ZC3H4: variants seen among roughly 807,000 people sequenced by gnomAD.
ZC3H4 encodes zinc finger CCCH-type containing 4.
Under a neutral mutation model 108.3 loss-of-function variants are expected in ZC3H4, and 13 were observed. The observed-to-expected ratio is 0.12, with a 90% CI of 0.08 to 0.19. The LOEUF (loss-of-function observed/expected upper bound fraction) is 0.19. Ranked by LOEUF, ZC3H4 falls within the 10% of genes least tolerant of loss-of-function variation. The pLI is 1.00. For missense variants in ZC3H4, 1,734 were observed against 1,838.8 expected (o/e 0.94, Z 1.04); for synonymous variants, 917 against 749.6 (o/e 1.22, Z -3.65).
intron 5 of ZC3H4, among the ~76,000 whole-genome samples, chr19:47,089,300 G>T (rs1212256501): frequency 6.6e-6 from 1 of 151,764 alleles, no homozygotes. Flanking sequence ...CCCCTGCACT[G>T]GAAGATTCCA....
At chr19:47,112,690 A>G (rs1048574904) in intron 1 of ZC3H4, 101 bp from the exon 2 acceptor site, 7 of 679,048 alleles carry the variant, frequency 1.0e-5, no homozygotes, top group Admixed American at 8.7e-5. Flanking sequence ...AATGGGGTAT[A>G]TATTTTTTCG....
intron 2 of ZC3H4, 122 bp from the exon 3 acceptor site, chr19:47,094,730 G>A: frequency 1.1e-6 from 1 of 911,628 alleles, no homozygotes; most frequent in Admixed American, 2.3e-5. Flanking sequence ...GTGAGACCCT[G>A]GGAGGACATG....
In ZC3H4 at chr19:47,067,289, G is replaced by A. The variant is rs373265090; in HGVS notation, c.2979C>T (p.Asp993=). The stretch of plus-strand genomic sequence containing the variant: ...GGGCCGCGGGCACGGGGGGCACTGC[G>A]TCCTGCTTGGGGATGGGTAGGGGGA... ...DLIPLPIPKQ[D]AVPPVPAALQ... The change falls in exon 15 of 15, where the codon GAC becomes GAT. Residue 993 remains aspartate, a synonymous_variant. Transcript: ENST00000253048. The surrounding 1 kb of genome is among the most constrained non-coding windows in gnomAD (Gnocchi z 6.4). The A allele has an allele frequency of 8.0e-5, 127 of 1,590,208 alleles. No individual in the cohort carries two copies. The highest frequency in any genetic ancestry group is 1.7e-4 in the Middle Eastern group (1 of 5,968).
intron 2 of ZC3H4, among the ~76,000 whole-genome samples, chr19:47,111,225 AG>A (rs2058034689): frequency 6.6e-6 from 1 of 152,100 alleles, no homozygotes; most frequent in East Asian, 1.9e-4. Flanking sequence ...TCGCCCCACC[AG>A]GAAACAGTGG....
intron 13 of ZC3H4, among the ~76,000 whole-genome samples, chr19:47,069,638 GAC>G (rs1388235090): frequency 6.6e-6 from 1 of 152,222 alleles, no homozygotes; most frequent in Non-Finnish European, 1.5e-5. Flanking sequence ...GCTTTGAAAA[GAC>G]ACACAGAAAC....
At chr19:47,111,937 G>T (rs1198568610) in intron 2 of ZC3H4, among the ~76,000 whole-genome samples, 1 of 152,068 alleles carries the variant, frequency 6.6e-6, no homozygotes, top group Non-Finnish European at 1.5e-5. Flanking sequence ...CCCTAAGAGC[G>T]GGGCTGTTGT....
chr19:47,074,325 A>G (rs780315664), intron 11 of ZC3H4, among the ~76,000 whole-genome samples: 9 of 151,848 alleles, frequency 5.9e-5, no homozygotes, highest in Non-Finnish European at 1.0e-4. Context: ...TCCTGGCTCA[A>G]CCTCCCCATC....
At chr19:47,093,861 C>A in intron 4 of ZC3H4, 109 bp downstream of exon 4, 2 of 883,340 alleles carry the variant, frequency 2.3e-6, no homozygotes, top group Non-Finnish European at 1.8e-6. Context: ...CCTGATGGCC[C>A]AGGACTGAAA....
intron 13 of ZC3H4, 68 bp from the exon 14 acceptor site, chr19:47,069,411 C>A (rs1286033183): frequency 6.5e-7 from 1 of 1,543,148 alleles, no homozygotes; most frequent in Non-Finnish European, 8.7e-7. Flanking sequence ...AGCCCCCCTG[C>A]CCCTCACTGC....
intron 5 of ZC3H4, among the ~76,000 whole-genome samples, chr19:47,089,141 G>C (rs1280587187): frequency 6.7e-6 from 1 of 149,938 alleles, no homozygotes; most frequent in African/African-American, 2.5e-5. Context: ...GGAAAGCAGA[G>C]GTTGCAGTGA....
At chr19:47,068,074 C>A (rs937910371) in intron 14 of ZC3H4, among the ~76,000 whole-genome samples, 12 of 152,204 alleles carry the variant, frequency 7.9e-5, no homozygotes, top group Admixed American at 3.3e-4. Context: ...TGCTCCCCAG[C>A]TCTCCTCAGT....
intron 11 of ZC3H4, among the ~76,000 whole-genome samples, chr19:47,078,398 C>T (rs1015291465): frequency 2.0e-5 from 3 of 151,658 alleles, no homozygotes; most frequent in East Asian, 1.9e-4. Context: ...GCAGGAGAAT[C>T]GCTTGAACCC....
At chr19:47,070,608 T>A (rs901815925) in intron 13 of ZC3H4, among the ~76,000 whole-genome samples, 4 of 152,168 alleles carry the variant, frequency 2.6e-5, no homozygotes, top group Non-Finnish European at 4.4e-5. Flanking sequence ...TGTGGCAGCC[T>A]GTTTTTCTCG....
chr19:47,095,014 C>T (rs897629394), intron 2 of ZC3H4, among the ~76,000 whole-genome samples: 4 of 152,258 alleles, frequency 2.6e-5, no homozygotes, highest in African/African-American at 4.8e-5. Context: ...GAAACCCACA[C>T]AGCTCTGCTG....
chr19:47,071,982 T>C lies in ZC3H4; in HGVS notation c.1942A>G (p.Met648Val), dbSNP rs765224348. The C allele has an allele frequency of 1.9e-6, 3 of 1,608,228 alleles. No individual in the cohort carries two copies. Among genetic ancestry groups the C allele is most frequent in the South Asian group, 1.1e-5 (1 of 90,568 alleles). Reference protein sequence around the residue: ...PDMHPDMHADMHADMPMGPGM... With the variant: ...PDMHPDMHADVHADMPMGPGM... ...GGGCCCATCGGCATGTCTGCGTGCA[T>C]GTCTGCGTGCATGTCAGGGTGCATG... is the stretch of plus-strand genomic sequence containing the variant. Residue 648 changes from methionine to valine, a missense_variant, in exon 13 of 15, where the codon ATG becomes GTG. By Grantham distance (21) the Met-to-Val change is conservative. Coordinates refer to ENST00000253048, the MANE Select transcript of ZC3H4 (RefSeq NM_015168.2).
rs1568523681 is a variant in ZC3H4 at position 47,066,653 on chromosome 19, A to G, written c.3615T>C (p.Gly1205=). ...ALEQPETGKA[G]ADGGTPTDRY... Reference sequence around the variant, plus strand: ...TGTCCGTGGGGGTGCCCCCATCAGCACCGGCCTTCCCTGTCTCTGGCTGTT... The same window carrying G: ...TGTCCGTGGGGGTGCCCCCATCAGCGCCGGCCTTCCCTGTCTCTGGCTGTT... The change falls in exon 15 of 15, where the codon GGT becomes GGC. Residue 1205 remains glycine, a synonymous_variant. Transcript: ENST00000253048. 2.5e-6 allele frequency: 4 copies of G among 1,611,770 alleles called. No homozygotes were observed. The highest frequency in any genetic ancestry group is 3.4e-6 in the Non-Finnish European group (4 of 1,179,622).
At chr19:47,089,855 C>T (rs2122946941) in intron 5 of ZC3H4, 112 bp downstream of exon 5, 8 of 1,098,490 alleles carry the variant, frequency 7.3e-6, no homozygotes, top group East Asian at 2.5e-5. Flanking sequence ...CTTCTTTGTA[C>T]ACTTATCCCA....
intron 8 of ZC3H4, 109 bp from the exon 9 acceptor site, chr19:47,084,564 T>C: frequency 9.5e-7 from 1 of 1,053,092 alleles, no homozygotes; most frequent in Non-Finnish European, 1.4e-6. Context: ...CCTTCAGATC[T>C]CACAAGAGCA....
chr19:47,110,858 GAACAA>G (rs1315082035), intron 2 of ZC3H4: 1 of 960,686 alleles, frequency 1.0e-6, no homozygotes, highest in Admixed American at 6.2e-5. Flanking sequence ...CATTTAATTA[GAACAA>G]AACAGAAAAA....
Sources: gnomAD v4.1 joint callset for allele counts (sites outside exome capture counted in the v4.1 genomes callset) on GRCh38, gnomAD v4.1.1 for gene constraint, Gnocchi (gnomAD v3.1) non-coding constraint, MANE v1.5 for transcripts, NCBI Gene and HGNC (gene_info 2026-07-23, HGNC 2026-07-21) for gene names.